Variants in KNG1 observed in about 807,000 individuals in gnomAD.
KNG1 encodes the protein kininogen 1.
A neutral mutation model predicts 47.8 loss-of-function variants in KNG1; 23 were observed. That is an observed-to-expected ratio of 0.48 (90% confidence interval 0.35 to 0.68). KNG1 has a LOEUF of 0.68. Ranked by LOEUF, KNG1 falls within the 30% of genes least tolerant of loss-of-function variation. KNG1 has a pLI of 0.01. For missense variants in KNG1, 762 were observed against 790.2 expected, an observed-to-expected ratio of 0.96 and a Z score of 0.43; for synonymous variants, 277 against 277.0, an observed-to-expected ratio of 1.00 and a Z score of 0.00.
Position 186,743,647 on chromosome 3 carries a change from C to A in KNG1, c.*1316C>A. ...CTTACCTTGTCAACTGGTTGCTCCACTTTTTAAAAATGATTGAATGATAAC... is the reference window on the plus strand; with the variant it reads ...CTTACCTTGTCAACTGGTTGCTCCAATTTTTAAAAATGATTGAATGATAAC... On this transcript the variant is annotated 3_prime_UTR_variant, in exon 10 of 10. Coordinates refer to ENST00000644859, the MANE Select transcript of KNG1 (RefSeq NM_001102416.3). The A allele has an allele frequency of 7.3e-7, 1 of 1,367,686 alleles. No individual in the cohort carries two copies. Among genetic ancestry groups the A allele is most frequent in the South Asian group, 1.2e-5 (1 of 84,910 alleles). 84.7% of individuals were successfully genotyped at this position (1,367,686 alleles called of 1,614,324 possible).
In KNG1 at chr3:186,717,455, G is replaced by C. The variant is rs571542084; in HGVS notation, c.-88G>C. The stretch of plus-strand genomic sequence containing the variant: ...AGAGAGGAGGACAGAAGAAACAAGA[G>C]GCTGGAGATTGTCAAATTCAGTATC... On this transcript the variant is annotated 5_prime_UTR_variant, in exon 1 of 10. Transcript: ENST00000644859. 5.3e-4 allele frequency: 533 copies of C among 999,710 alleles called. No homozygotes were observed. Among genetic ancestry groups the C allele is most frequent in the Non-Finnish European group, 7.7e-4 (484 of 625,340 alleles). 61.9% of individuals were successfully genotyped at this position (999,710 alleles called of 1,614,324 possible). A position where few individuals can be genotyped will look rare whatever the true frequency, so the allele number is the denominator to read the frequency against.
At chr3:186,725,543 A>AGTTTTTTTTTTTTTTTTTT (rs1720336508) in intron 4 of KNG1, among the ~76,000 whole-genome samples, 2 of 87,724 alleles carry the variant, frequency 2.3e-5, no homozygotes, top group Middle Eastern at 8.8e-3. Flanking sequence ...CGGCCTTAGG[A>AGTTTTTTTTTTTTTTTTTT]TTTTTTTTTT....
rs745848509 is a variant in KNG1, at chr3:186,742,166, T to C, written c.1770T>C (p.Asp590=). 5.6e-6 allele frequency: 9 copies of C among 1,614,190 alleles called. No individual in the cohort carries two copies. The South Asian group carries it at 8.8e-5, about 16-fold the overall frequency. The change falls in exon 10 of 10, where the codon GAT becomes GAC. Residue 590 remains aspartate (D), a synonymous_variant. Coordinates refer to ENST00000644859, the MANE Select transcript of KNG1 (RefSeq NM_001102416.3). The part of the protein sequence containing the change: ...PIQSDDDWIP[D]IQIDPNGLSF... The stretch of plus-strand genomic sequence containing the variant: ...AGAGTGATGACGATTGGATCCCTGA[T>C]ATCCAGATAGACCCAAATGGCCTTT...
chr3:186,722,615 G>A, intron 3 of KNG1, 94 bp downstream of exon 3: 2 of 1,006,228 alleles, frequency 2.0e-6, no homozygotes, highest in South Asian at 2.7e-5. Flanking sequence ...CTTGCTCCCA[G>A]AGGGTGGCAG....
intron 2 of KNG1, 82 bp downstream of exon 2, chr3:186,720,297 T>A (rs1720151256): frequency 1.2e-6 from 1 of 840,646 alleles, no homozygotes; most frequent in Non-Finnish European, 2.0e-6. Flanking sequence ...AAATGATGGC[T>A]ACTGGTGAGC....
chr3:186,737,600 AGGCTTGAGTGTAGTGGCGTGATCTT>A (rs1354880038), intron 7 of KNG1, among the ~76,000 whole-genome samples: 2 of 152,028 alleles, frequency 1.3e-5, no homozygotes, highest in Non-Finnish European at 2.9e-5. Context: ...TCTGTCACCC[AGGCTTGAGTGTAGTGGCGTGATCTT>A]GGCTCACTGT....
At position 186,741,725 on chromosome 3, in the gene KNG1, T is replaced by C. The variant is rs763817257; in HGVS notation, c.1329T>C (p.His443=). ...HEKQRKHNLG[H]GHKHERDQGH... is the part of the protein sequence containing the mutation. The stretch of plus-strand genomic sequence containing the variant: ...AACAAAGAAAACATAATCTTGGCCA[T>C]GGCCATAAACATGAACGTGACCAAG... Residue 443 remains histidine, a synonymous_variant, in exon 10 of 10, where the codon CAT becomes CAC. Transcript: ENST00000644859. 6.2e-6 allele frequency: 10 copies of C among 1,614,122 alleles called. No individual in the cohort carries two copies. In the Admixed American group the frequency reaches 1.2e-4, roughly 19 times the overall value.
In KNG1 at chr3:186,741,899, T is replaced by C. The variant is rs758915779; in HGVS notation, c.1503T>C (p.His501=). ...LDHGHKHKHG[H]GHGKHKNKGK... ...ATGGACATAAGCATAAGCATGGTCA[T>C]GGCCACGGAAAACATAAAAATAAAG... Residue 501 remains histidine (H), a synonymous_variant, in exon 10 of 10, where the codon CAT becomes CAC. Transcript: ENST00000644859. 86 of 1,613,922 alleles carry C rather than the reference T, an allele frequency of 5.3e-5. No individual in the cohort carries two copies. The South Asian group carries it at 9.0e-4, about 17-fold the overall frequency.
intron 5 of KNG1, among the ~76,000 whole-genome samples, chr3:186,730,715 TACAC>T (rs1198252081): frequency 2.7e-5 from 3 of 109,456 alleles, no homozygotes; most frequent in African/African-American, 1.2e-4. Flanking sequence ...TATATATATA[TACAC>T]ACACACACAC....
rs1720868629 is a variant in KNG1, at chr3:186,743,591, A to G, written c.*1260A>G. On this transcript the variant is annotated 3_prime_UTR_variant, in exon 10 of 10. Coordinates refer to ENST00000644859, the MANE Select transcript of KNG1 (RefSeq NM_001102416.3). The stretch of plus-strand genomic sequence containing the variant: ...CATTTTAAATATTGTCTGTTCTTTT[A>G]AATAAACAACCACAGATGTCAGGAA... 2 of 760,258 alleles carry G rather than the reference A, an allele frequency of 2.6e-6. No individual in the cohort carries two copies. The highest frequency in any genetic ancestry group is 4.6e-6 in the Non-Finnish European group (2 of 434,822). The allele number at this position is 760,258 out of a possible 1,614,324, so 47.1% of individuals were successfully genotyped here.
In KNG1 at chr3:186,725,072, T is replaced by C. The variant is rs1272517533; in HGVS notation, c.392-16T>C. 2 of 1,613,714 alleles carry C rather than the reference T, an allele frequency of 1.2e-6. No individual in the cohort carries two copies. The highest frequency in any genetic ancestry group is 2.7e-5 in the African/African-American group (2 of 74,904). On this transcript the variant is annotated splice_polypyrimidine_tract_variant and intron_variant, in intron 3 of 9. Coordinates refer to ENST00000644859, the MANE Select transcript of KNG1 (RefSeq NM_001102416.3). ...TGCGATCATTAATGCTGTGTTTTTG[T>C]CTGCTCTTTGTTAAGCCGAGGGCCC...
intron 5 of KNG1, among the ~76,000 whole-genome samples, chr3:186,729,985 C>T (rs559620670): frequency 6.6e-6 from 1 of 152,024 alleles, no homozygotes; most frequent in Non-Finnish European, 1.5e-5. Context: ...TCTTTTTTCC[C>T]CTCACTTCTG....
chr3:186,724,697 C>CT (rs766743705), intron 3 of KNG1, among the ~76,000 whole-genome samples: 59 of 145,894 alleles, frequency 4.0e-4, no homozygotes, highest in Admixed American at 4.1e-4. Flanking sequence ...GTTTTTCTTT[C>CT]TTTTTTTTTT....
intron 1 of KNG1, among the ~76,000 whole-genome samples, chr3:186,719,201 T>C (rs902469622): frequency 6.6e-6 from 1 of 152,186 alleles, no homozygotes; most frequent in African/African-American, 2.4e-5. Flanking sequence ...GTTGTAAATA[T>C]ACTAAAAAAC....
At position 186,725,089 on chromosome 3, in the gene KNG1, C is replaced by T. The variant is rs1485793198; in HGVS notation, c.393C>T (p.Ala131=). The T allele has an allele frequency of 2.0e-5, 32 of 1,613,754 alleles. No individual in the cohort carries two copies. Among genetic ancestry groups the T allele is most frequent in the Admixed American group, 1.3e-4 (8 of 59,958 alleles). The change falls in exon 4 of 10, where the codon GCC becomes GCT. Residue 131 remains alanine (A), a splice_region_variant and synonymous_variant. Transcript: ENST00000644859. ...TGTTTTTGTCTGCTCTTTGTTAAGC[C>T]GAGGGCCCTGTGGTGACAGCCCAGT... ...VATQTCQITP[A]EGPVVTAQYD...
At chr3:186,733,284 A>G (rs1720587546) in intron 7 of KNG1, among the ~76,000 whole-genome samples, 1 of 152,066 alleles carries the variant, frequency 6.6e-6, no homozygotes, top group Admixed American at 6.6e-5. Flanking sequence ...AATAGCAACC[A>G]TGATATAATT....
Position 186,742,422 on chromosome 3 carries a change from C to T in KNG1, c.*91C>T, listed in dbSNP as rs545283095. 4.9e-4 allele frequency: 780 copies of T among 1,576,278 alleles called. 9 individuals carry two copies. The South Asian group carries it at 7.5e-3, about 15-fold the overall frequency. On this transcript the variant is annotated 3_prime_UTR_variant, in exon 10 of 10. Coordinates refer to ENST00000644859, the MANE Select transcript of KNG1 (RefSeq NM_001102416.3). Reference sequence around the variant, plus strand: ...CAGATGAAAATATCCTGATATAATGCACCAAAAACCATGCAGCTTCGGAAC... The same window carrying T: ...CAGATGAAAATATCCTGATATAATGTACCAAAAACCATGCAGCTTCGGAAC...
intron 3 of KNG1, among the ~76,000 whole-genome samples, chr3:186,724,885 A>G (rs534733978): frequency 1.3e-5 from 2 of 151,854 alleles, no homozygotes; most frequent in East Asian, 3.9e-4. Flanking sequence ...GTAATTTTGT[A>G]TTTTTAGGAG....
intron 9 of KNG1, 38 bp downstream of exon 9, chr3:186,739,452 G>C (rs1210049876): frequency 7.4e-7 from 1 of 1,344,166 alleles, no homozygotes; most frequent in South Asian, 1.2e-5. Context: ...GGTCAGTTCT[G>C]CTCATTCTGA....
Sources: gnomAD v4.1 joint callset for allele counts (sites outside exome capture counted in the v4.1 genomes callset) on GRCh38, gnomAD v4.1.1 for gene constraint, MANE v1.5 for transcripts, NCBI Gene and HGNC (gene_info 2026-07-23, HGNC 2026-07-21) for gene names.